PLXNA2: variants seen among roughly 807,000 people sequenced by gnomAD.
PLXNA2 encodes the protein plexin-A2.
In PLXNA2, 91 loss-of-function variants were observed where a neutral mutation model predicts 193.5. The observed-to-expected ratio is 0.47, with a 90% confidence interval of 0.40 to 0.56. The LOEUF is 0.56. Ranked by LOEUF, PLXNA2 falls within the 20% of genes least tolerant of loss-of-function variation. PLXNA2 has a pLI of 0.00. For missense variants in PLXNA2, 1,995 were observed against 2,503.2 expected, an observed-to-expected ratio of 0.80 and a Z score of 4.33; for synonymous variants, 997 against 1,027.3, an observed-to-expected ratio of 0.97 and a Z score of 0.56.
chr1:208,098,462 A>T (rs865898390), intron 6 of PLXNA2, among the ~76,000 whole-genome samples: 27 of 143,660 alleles, frequency 1.9e-4, no homozygotes, highest in African/African-American at 5.0e-4. Flanking sequence ...TCTCTCTCAC[A>T]CACACACACA....
At chr1:208,062,083 G>A (rs1469138796) in intron 12 of PLXNA2, among the ~76,000 whole-genome samples, 2 of 152,116 alleles carry the variant, frequency 1.3e-5, no homozygotes, top group Admixed American at 1.3e-4. Context: ...AAAAAAAAAG[G>A]GGACTTGATG....
At chr1:208,099,067 C>A (rs557397346) in intron 5 of PLXNA2, 98 bp from the exon 6 acceptor site, 19 of 1,438,156 alleles carry the variant, frequency 1.3e-5, no homozygotes, top group Admixed American at 2.0e-5. Flanking sequence ...TGCCCTGAGG[C>A]CTGTGTCCTG....
chr1:208,238,085 C>G lies in PLXNA2; in HGVS notation c.-81+5558G>C, dbSNP rs74155218. Among the ~76,000 whole-genome samples the G allele has an allele frequency of 2.7e-3, 418 of 152,296 alleles. 4 individuals are homozygous for G. Among genetic ancestry groups the G allele is most frequent in the African/African-American group, 9.5e-3 (393 of 41,576 alleles). ...GCTGTTTAGACAGAACAAGAGAAAG[C>G]CTGGGAGAACAACTCCTCCAAGAGG... On this transcript the variant is annotated intron_variant, in intron 1 of 31. Coordinates refer to ENST00000367033, the MANE Select transcript of PLXNA2 (RefSeq NM_025179.4).
intron 6 of PLXNA2, among the ~76,000 whole-genome samples, chr1:208,098,458 T>TCTCTCA (rs368366958): frequency 7.4e-4 from 91 of 123,516 alleles, no homozygotes; most frequent in East Asian, 2.8e-3. Flanking sequence ...TCTCTCTCTC[T>TCTCTCA]CACACACACA....
chr1:208,066,931 T>C (rs1201253876), intron 12 of PLXNA2, among the ~76,000 whole-genome samples: 2 of 152,220 alleles, frequency 1.3e-5, no homozygotes, highest in African/African-American at 4.8e-5. Flanking sequence ...GAAAAAATAT[T>C]ATAGAATAAG....
chr1:208,108,332 T>A (rs2102426664), intron 4 of PLXNA2, among the ~76,000 whole-genome samples: 1 of 152,278 alleles, frequency 6.6e-6, no homozygotes, highest in African/African-American at 2.4e-5. Context: ...GTTTGGACCA[T>A]CCAAGGTAAG....
At chr1:208,122,738 A>G (rs11118988) in intron 4 of PLXNA2, among the ~76,000 whole-genome samples, 29,994 of 152,068 alleles carry the variant, frequency 0.2, 3,338 homozygotes, top group Admixed American at 0.3. Flanking sequence ...GAAAGCAGGA[A>G]GAAGGGAAGA....
intron 3 of PLXNA2, among the ~76,000 whole-genome samples, chr1:208,196,377 T>C (rs1670360427): frequency 6.6e-6 from 1 of 152,254 alleles, no homozygotes; most frequent in Non-Finnish European, 1.5e-5. Context: ...TCTGCTAATA[T>C]TGACCATTAG....
At chr1:208,133,515 T>A (rs767158037) in intron 4 of PLXNA2, among the ~76,000 whole-genome samples, 2 of 152,252 alleles carry the variant, frequency 1.3e-5, no homozygotes, top group Non-Finnish European at 2.9e-5. Context: ...GCCCTATCTA[T>A]ATCTACATAT....
chr1:208,238,216 G>C (rs1368982392), intron 1 of PLXNA2, among the ~76,000 whole-genome samples: 5 of 148,774 alleles, frequency 3.4e-5, no homozygotes, highest in Non-Finnish European at 7.4e-5. Flanking sequence ...TCATTCACCA[G>C]CTCTTCACTC....
chr1:208,164,418 G>A (rs1271871647), intron 3 of PLXNA2, among the ~76,000 whole-genome samples: 1 of 152,224 alleles, frequency 6.6e-6, no homozygotes, highest in East Asian at 1.9e-4. Flanking sequence ...GAGCAGAGGT[G>A]AGCCTTCCTT....
intron 2 of PLXNA2, among the ~76,000 whole-genome samples, chr1:208,216,324 C>G (rs915458913): frequency 6.6e-6 from 1 of 152,214 alleles, no homozygotes; most frequent in Non-Finnish European, 1.5e-5. Context: ...GCTACTGCCT[C>G]TCCCCCTTTC....
intron 4 of PLXNA2, among the ~76,000 whole-genome samples, chr1:208,109,463 T>A (rs1207867438): frequency 6.6e-6 from 1 of 152,188 alleles, no homozygotes; most frequent in Non-Finnish European, 1.5e-5. Context: ...GGGGCTGCTG[T>A]ATGGACAGAG....
chr1:208,111,578 T>C (rs1263763005), intron 4 of PLXNA2, among the ~76,000 whole-genome samples: 1 of 152,102 alleles, frequency 6.6e-6, no homozygotes, highest in African/African-American at 2.4e-5. Context: ...CAAGCCCTCA[T>C]CTCCTTATTT....
chr1:208,206,810 G>A (rs1024194952), intron 3 of PLXNA2, among the ~76,000 whole-genome samples: 5 of 128,148 alleles, frequency 3.9e-5, no homozygotes, highest in African/African-American at 6.0e-5. Flanking sequence ...TTGCCCTGTC[G>A]CCCAGGCTAG....
intron 3 of PLXNA2, among the ~76,000 whole-genome samples, chr1:208,144,028 C>G (rs1378963901): frequency 6.6e-6 from 1 of 152,180 alleles, no homozygotes; most frequent in Admixed American, 6.5e-5. Flanking sequence ...CTCCTTAGGG[C>G]TGAATCAAAG....
chr1:208,238,454 T>A (rs1279146655), intron 1 of PLXNA2, among the ~76,000 whole-genome samples: 1 of 152,204 alleles, frequency 6.6e-6, no homozygotes, highest in African/African-American at 2.4e-5. Context: ...CAAACCAAGA[T>A]GAACTATCAA....
intron 2 of PLXNA2, among the ~76,000 whole-genome samples, chr1:208,215,442 G>A (rs1671093820): frequency 6.6e-6 from 1 of 152,064 alleles, no homozygotes; most frequent in East Asian, 1.9e-4. Context: ...GATAGATGGA[G>A]GGCTAGGTAG....
At chr1:208,240,201 C>T (rs1461473185) in intron 1 of PLXNA2, among the ~76,000 whole-genome samples, 2 of 152,248 alleles carry the variant, frequency 1.3e-5, no homozygotes, top group Admixed American at 6.5e-5. Context: ...TTTATGCCCT[C>T]CAATTCCAGA....
Sources: gnomAD v4.1 joint callset for allele counts (sites outside exome capture counted in the v4.1 genomes callset) on GRCh38, gnomAD v4.1.1 for gene constraint, MANE v1.5 for transcripts, NCBI Gene and HGNC (gene_info 2026-07-23, HGNC 2026-07-21) for gene names.